The following SPP2 variants were observed in gnomAD, a reference collection of about 807,000 sequenced individuals.
SPP2 encodes the protein secreted phosphoprotein 2, also known as secreted phosphoprotein 24.
SPP2 carries 34 observed loss-of-function variants against 28.8 expected under a neutral mutation model. That is an observed-to-expected ratio of 1.18 (90% CI 0.90 to 1.57). The LOEUF (loss-of-function observed/expected upper bound fraction) is 1.57, where lower values mean the gene tolerates loss of function less well. SPP2 is among the 40% of genes most tolerant of loss of function. The pLI, the probability that SPP2 is intolerant of heterozygous loss-of-function variation, is 0.00. For missense variants in SPP2, 269 were observed against 263.9 expected (o/e 1.02, Z -0.13); for synonymous variants, 96 against 89.4 (o/e 1.07, Z -0.42).
intron 2 of SPP2, among the ~76,000 whole-genome samples, chr2:234,051,628 C>CA (rs1281429182): frequency 3.9e-5 from 6 of 152,302 alleles, no homozygotes; most frequent in Non-Finnish European, 2.9e-5. Flanking sequence ...AAATATCCTT[C>CA]AAAGGAAATG....
Position 234,066,585 on chromosome 2 carries a change from T to C in SPP2, c.497T>C (p.Phe166Ser). 6.2e-7 allele frequency: 1 copy of C among 1,611,028 alleles called. No homozygotes were observed. The highest frequency in any genetic ancestry group is 8.5e-7 in the Non-Finnish European group (1 of 1,178,806). ...CATAAATGGAGAAACAATTATCTATTTGGTAAGTTAAGATCTGTTCTTTTT... is the reference window on the plus strand; with the variant it reads ...CATAAATGGAGAAACAATTATCTATCTGGTAAGTTAAGATCTGTTCTTTTT... ...GSHKWRNNYL[F>S]GLISDESISE... is the part of the protein sequence containing the mutation. Residue 166 changes from phenylalanine to serine, a missense_variant and splice_region_variant, in exon 5 of 8, where the codon TTT becomes TCT. By Grantham distance (155) the Phe-to-Ser change is radical (BLOSUM62 -2). Transcript: ENST00000168148.
chr2:234,076,261 G>A (rs1471033737), intron 7 of SPP2, among the ~76,000 whole-genome samples: 1 of 152,066 alleles, frequency 6.6e-6, no homozygotes, highest in Non-Finnish European at 1.5e-5. Flanking sequence ...ACCTCACACA[G>A]CTGACTGTTC....
chr2:234,058,312 C>T (rs554805360), intron 2 of SPP2, among the ~76,000 whole-genome samples: 9 of 152,176 alleles, frequency 5.9e-5, no homozygotes, highest in Non-Finnish European at 1.0e-4. Flanking sequence ...AAAAAAGCCA[C>T]GAAATAGACC....
chr2:234,060,295 C>T, intron 3 of SPP2, 74 bp from the exon 4 acceptor site: 1 of 969,312 alleles, frequency 1.0e-6, no homozygotes, highest in South Asian at 1.4e-5. Flanking sequence ...CATTTATTTT[C>T]CTGATTTACT....
In SPP2 at chr2:234,058,852, AGAACAACTTGGTCAT is replaced by A; in HGVS notation, c.231_245del (p.Asn78_Asn82del). On this transcript the variant is annotated inframe_deletion, in exon 3 of 8. Coordinates refer to ENST00000168148, the MANE Select transcript of SPP2 (RefSeq NM_006944.3). Reference sequence around the variant, plus strand: ...TTTGTGAAGGTTGAGGTCCTAGATGAGAACAACTTGGTCATGAATTTAGAGTTCAGCATCCGGGAG... The same window carrying A: ...TTTGTGAAGGTTGAGGTCCTAGATGAGAATTTAGAGTTCAGCATCCGGGAG... The A allele has an allele frequency of 5.0e-6, 8 of 1,613,980 alleles. No homozygotes were observed. Among genetic ancestry groups the A allele is most frequent in the Non-Finnish European group, 6.8e-6 (8 of 1,179,950 alleles).
intron 2 of SPP2, among the ~76,000 whole-genome samples, chr2:234,054,837 G>T (rs1693574599): frequency 1.3e-5 from 2 of 152,154 alleles, no homozygotes; most frequent in South Asian, 4.1e-4. Context: ...GTCAGGGCAG[G>T]GAGGATGCGG....
intron 4 of SPP2, among the ~76,000 whole-genome samples, chr2:234,063,434 G>A (rs1647921015): frequency 6.6e-6 from 1 of 152,060 alleles, no homozygotes; most frequent in South Asian, 2.1e-4. Context: ...AGTCTGGTAA[G>A]GACATAATGA....
chr2:234,061,719 T>C (rs1023894187), intron 4 of SPP2, among the ~76,000 whole-genome samples: 3 of 152,248 alleles, frequency 2.0e-5, no homozygotes, highest in African/African-American at 7.2e-5. Context: ...AACTAATGAC[T>C]GAGACACTCC....
intron 4 of SPP2, among the ~76,000 whole-genome samples, 195 bp downstream of exon 4, chr2:234,060,674 C>T (rs1693701409): frequency 6.6e-6 from 1 of 151,976 alleles, no homozygotes; most frequent in Non-Finnish European, 1.5e-5. Context: ...CCAGCTTATT[C>T]TTTCACTCGT....
chr2:234,060,755 A>G (rs1396097200), intron 4 of SPP2, among the ~76,000 whole-genome samples: 1 of 150,608 alleles, frequency 6.6e-6, no homozygotes, highest in Admixed American at 6.6e-5. Context: ...ACGCACACAC[A>G]CACACATGCA....
At chr2:234,070,396 C>T (rs1328072223) in intron 7 of SPP2, among the ~76,000 whole-genome samples, 3 of 152,222 alleles carry the variant, frequency 2.0e-5, no homozygotes, top group African/African-American at 7.2e-5. Flanking sequence ...CTTCCTCAAC[C>T]TCCTCACCTC....
intron 7 of SPP2, among the ~76,000 whole-genome samples, chr2:234,074,275 G>C (rs1371594500): frequency 6.6e-6 from 1 of 152,112 alleles, no homozygotes; most frequent in Non-Finnish European, 1.5e-5. Context: ...TAGAAATGTA[G>C]TCACCAACTA....
At chr2:234,068,410 T>C (rs991261974) in intron 6 of SPP2, among the ~76,000 whole-genome samples, 15 of 152,244 alleles carry the variant, frequency 9.9e-5, no homozygotes, top group Non-Finnish European at 2.1e-4. Context: ...GCCTGTTTCA[T>C]GCTGCCTCCC....
intron 7 of SPP2, among the ~76,000 whole-genome samples, chr2:234,072,713 G>T (rs889643204): frequency 6.6e-6 from 1 of 152,116 alleles, no homozygotes; most frequent in Admixed American, 6.5e-5. Context: ...GGCTGGTAAG[G>T]CCGGCATAGT....
chr2:234,071,559 T>C (rs1372820246), intron 7 of SPP2, among the ~76,000 whole-genome samples: 1 of 152,244 alleles, frequency 6.6e-6, no homozygotes, highest in Non-Finnish European at 1.5e-5. Context: ...TAGATGTCGA[T>C]TCCATGCATA....
intron 3 of SPP2, among the ~76,000 whole-genome samples, chr2:234,059,184 G>T (rs1693668533): frequency 6.6e-6 from 1 of 152,252 alleles, no homozygotes; most frequent in South Asian, 2.1e-4. Context: ...TTTATCCCTG[G>T]TGCCTCAGTT....
intron 2 of SPP2, 25 bp downstream of exon 2, chr2:234,051,120 T>C: frequency 3.1e-6 from 5 of 1,607,822 alleles, no homozygotes; most frequent in Non-Finnish European, 1.7e-6. Flanking sequence ...AAATCTTCTC[T>C]ACTCCTCCTT....
intron 2 of SPP2, among the ~76,000 whole-genome samples, chr2:234,056,892 A>G (rs963576431): frequency 1.3e-5 from 2 of 151,896 alleles, no homozygotes; most frequent in Admixed American, 6.6e-5. Flanking sequence ...CTCAGCTTGG[A>G]GTTTTGCCAC....
chr2:234,071,938 C>T (rs986358437), intron 7 of SPP2, among the ~76,000 whole-genome samples: 1 of 152,324 alleles, frequency 6.6e-6, no homozygotes, highest in South Asian at 2.1e-4. Flanking sequence ...CTGTAGGTTC[C>T]TCATCACAGG....
Sources: gnomAD v4.1 joint callset for allele counts (sites outside exome capture counted in the v4.1 genomes callset) on GRCh38, gnomAD v4.1.1 for gene constraint, MANE v1.5 for transcripts, NCBI Gene and HGNC (gene_info 2026-07-23, HGNC 2026-07-21) for gene names.